The following GMDS variants were observed in gnomAD, a reference collection of about 807,000 sequenced individuals.
The protein encoded by GMDS is GDP-mannose 4,6-dehydratase.
GMDS carries 20 observed loss-of-function variants against 49.9 expected under a neutral mutation model. The ratio of observed to expected loss-of-function variants is 0.40; its 90% CI spans 0.28 to 0.58. The LOEUF (loss-of-function observed/expected upper bound fraction) is 0.58, where lower values mean the gene tolerates loss of function less well. Ranked by LOEUF, GMDS falls within the 20% of genes least tolerant of loss-of-function variation. The pLI is 0.42. For synonymous variants in GMDS, 177 were observed against 178.6 expected (o/e 0.99, Z 0.07); for missense variants, 362 against 481.4 (o/e 0.75, Z 2.32).
At chr6:2,058,548 C>G (rs1405315396) in intron 4 of GMDS, among the ~76,000 whole-genome samples, 2 of 151,672 alleles carry the variant, frequency 1.3e-5, no homozygotes, top group African/African-American at 2.4e-5. Flanking sequence ...AAAAGAATAT[C>G]TTGAGAGGTA....
intron 4 of GMDS, among the ~76,000 whole-genome samples, chr6:2,059,480 G>A (rs9501795): frequency 0.029 from 4,334 of 150,176 alleles, 183 homozygotes; most frequent in African/African-American, 0.094. Flanking sequence ...AGGCCGAGGC[G>A]GGTGGATCAC....
intron 4 of GMDS, among the ~76,000 whole-genome samples, chr6:1,972,312 C>T (rs928246754): frequency 2.8e-4 from 41 of 148,570 alleles, no homozygotes; most frequent in Non-Finnish European, 4.9e-4. Context: ...TTTGTGACCC[C>T]AATTATCAGA....
intron 1 of GMDS, among the ~76,000 whole-genome samples, chr6:2,223,845 T>C (rs1352137590): frequency 6.6e-6 from 1 of 152,166 alleles, no homozygotes; most frequent in Admixed American, 6.5e-5. Flanking sequence ...AAATCTGGAC[T>C]GGAGACAAGG....
chr6:2,123,946 A>G (rs1004785553), intron 2 of GMDS, among the ~76,000 whole-genome samples: 1 of 152,182 alleles, frequency 6.6e-6, no homozygotes, highest in Non-Finnish European at 1.5e-5. Context: ...CACATTTTTA[A>G]AACAACGTAC....
At chr6:2,119,409 T>C (rs942872467) in intron 2 of GMDS, among the ~76,000 whole-genome samples, 3 of 152,288 alleles carry the variant, frequency 2.0e-5, no homozygotes, top group African/African-American at 7.2e-5. Flanking sequence ...ATCAAGTGTT[T>C]TAATTTCCTC....
At chr6:2,109,226 T>G (rs1406718631) in intron 4 of GMDS, among the ~76,000 whole-genome samples, 3 of 152,158 alleles carry the variant, frequency 2.0e-5, no homozygotes, top group Non-Finnish European at 4.4e-5. Flanking sequence ...AATGCATATT[T>G]CCTTTCCCCC....
At chr6:1,717,164 G>T (rs1441264232) in intron 9 of GMDS, among the ~76,000 whole-genome samples, 1 of 152,208 alleles carries the variant, frequency 6.6e-6, no homozygotes, top group Non-Finnish European at 1.5e-5. Context: ...AGCTCAGTGG[G>T]ACTCCATTTG....
chr6:1,703,369 T>A (rs1765611481), intron 9 of GMDS, among the ~76,000 whole-genome samples: 1 of 151,922 alleles, frequency 6.6e-6, no homozygotes. Context: ...ACCTTTCTTA[T>A]CTCCAGTTCC....
At chr6:1,764,605 A>G (rs936417083) in intron 7 of GMDS, among the ~76,000 whole-genome samples, 8 of 152,202 alleles carry the variant, frequency 5.3e-5, no homozygotes, top group Non-Finnish European at 1.0e-4. Context: ...ATTATTGGAG[A>G]AAATCCTGGG....
chr6:2,174,936 C>T (rs1778201007), intron 1 of GMDS, among the ~76,000 whole-genome samples: 1 of 152,080 alleles, frequency 6.6e-6, no homozygotes. Flanking sequence ...AAGACATGCA[C>T]CTGGGAAGGC....
Position 2,209,683 on chromosome 6 carries a change from G to A in GMDS, c.102+35638C>T, listed in dbSNP as rs138997837. Among the ~76,000 whole-genome samples, 138 of 151,830 alleles carry A rather than the reference G, an allele frequency of 9.1e-4. 1 individual carries two copies. Among genetic ancestry groups the A allele is most frequent in the African/African-American group, 2.8e-3 (114 of 41,382 alleles). On this transcript the variant is annotated intron_variant, in intron 1 of 10. Transcript: ENST00000380815. ...TTACCTATGTTTAGCATTATCAAAC[G>A]TGCATTTATAAAACCTCTAGAAGCC...
chr6:1,705,075 G>A (rs556201127), intron 9 of GMDS, among the ~76,000 whole-genome samples: 5 of 152,294 alleles, frequency 3.3e-5, no homozygotes, highest in East Asian at 1.9e-4. Context: ...ACCACTAAAC[G>A]ACAAAGCGAT....
intron 4 of GMDS, among the ~76,000 whole-genome samples, chr6:2,036,903 C>T (rs948761485): frequency 2.0e-5 from 3 of 152,114 alleles, no homozygotes; most frequent in Admixed American, 6.5e-5. Context: ...AACACACTTT[C>T]GTAAGTAAGG....
chr6:1,663,347 C>A (rs756931890), intron 9 of GMDS, among the ~76,000 whole-genome samples: 1 of 152,182 alleles, frequency 6.6e-6, no homozygotes, highest in African/African-American at 2.4e-5. Flanking sequence ...AACTGTGGGA[C>A]CTCCTTCACC....
intron 9 of GMDS, among the ~76,000 whole-genome samples, chr6:1,714,146 T>C (rs1029758812): frequency 2.6e-5 from 4 of 152,102 alleles, no homozygotes; most frequent in African/African-American, 9.7e-5. Context: ...GCCTCCCAAG[T>C]AGCTGGGACT....
At position 1,640,384 on chromosome 6, in the gene GMDS, C is replaced by A. The variant is rs1182735317; in HGVS notation, c.988-15844G>T. On this transcript the variant is annotated intron_variant, in intron 9 of 10. Transcript: ENST00000380815. This position sits in a 1 kb window ranked among gnomAD's most constrained non-coding sequence, Gnocchi z 4.0. ...GGTGTCCTCATCCTCAGGCATGCCA[C>A]ACCTGCAGGTGTGTTATGCACCTGT... Among the ~76,000 whole-genome samples the A allele has an allele frequency of 6.6e-6, 1 of 152,184 alleles. No homozygotes were observed. Among genetic ancestry groups the A allele is most frequent in the Non-Finnish European group, 1.5e-5 (1 of 68,038 alleles).
chr6:2,195,196 C>T lies in GMDS; in HGVS notation c.102+50125G>A, dbSNP rs561728292. 7.9e-5 allele frequency among the ~76,000 whole-genome samples: 12 copies of T among 152,286 alleles called. 1 individual carries two copies. In the South Asian group the frequency reaches 2.5e-3, roughly 32 times the overall value. Reference sequence around the variant, plus strand: ...AAAAAACGGATTTGAATTTCACTGTCTTTTCCTTTTTCTTCTTCTGTAGAA... The same window carrying T: ...AAAAAACGGATTTGAATTTCACTGTTTTTTCCTTTTTCTTCTTCTGTAGAA... On this transcript the variant is annotated intron_variant, in intron 1 of 10. Coordinates refer to ENST00000380815, the MANE Select transcript of GMDS (RefSeq NM_001500.4).
At chr6:1,878,720 A>G (rs1561861482) in intron 7 of GMDS, among the ~76,000 whole-genome samples, 4 of 152,244 alleles carry the variant, frequency 2.6e-5, no homozygotes, top group Non-Finnish European at 4.4e-5. Flanking sequence ...AGTATAAATG[A>G]ATAGAGTGTA....
intron 1 of GMDS, among the ~76,000 whole-genome samples, chr6:2,230,930 TCCCCCCTCCCACC>T (rs1227573947): frequency 6.9e-5 from 1 of 14,540 alleles, no homozygotes; most frequent in Non-Finnish European, 1.3e-4. Context: ...AGTATTCTCT[TCCCCCCTCCCACC>T]CCCCCCCCCC....
Sources: gnomAD v4.1 joint callset for allele counts (sites outside exome capture counted in the v4.1 genomes callset) on GRCh38, gnomAD v4.1.1 for gene constraint, Gnocchi (gnomAD v3.1) non-coding constraint, MANE v1.5 for transcripts, NCBI Gene and HGNC (gene_info 2026-07-23, HGNC 2026-07-21) for gene names.